Variants in ZSWIM9 observed in about 807,000 individuals in gnomAD.
The protein encoded by ZSWIM9 is uncharacterized protein ZSWIM9.
A neutral mutation model predicts 25.0 loss-of-function variants in ZSWIM9; 11 were observed. The observed-to-expected ratio is 0.44, with a 90% CI of 0.28 to 0.73. The LOEUF (loss-of-function observed/expected upper bound fraction) is 0.73, where lower values mean the gene tolerates loss of function less well. ZSWIM9 is among the 30% of genes least tolerant of loss of function. ZSWIM9 has a pLI of 0.16. For synonymous variants in ZSWIM9, 562 were observed against 582.1 expected (o/e 0.97, Z 0.50); for missense variants, 1,070 against 1,296.5 (o/e 0.83, Z 2.68).
intron 2 of ZSWIM9, 134 bp downstream of exon 2, chr19:48,172,211 C>A: frequency 1.3e-6 from 1 of 799,094 alleles, no homozygotes; most frequent in Non-Finnish European, 1.9e-6. Context: ...CCAAATACAC[C>A]TTGCAGAGAG....
chr19:48,170,682 T>C lies in ZSWIM9; in HGVS notation c.-42T>C, dbSNP rs2036774682. On this transcript the variant is annotated 5_prime_UTR_variant, in exon 1 of 4. Coordinates refer to ENST00000614654, the MANE Select transcript of ZSWIM9 (RefSeq NM_199341.4). Reference sequence around the variant, plus strand: ...CGGGCCAGGCCTGGGCGCGGGGCATTGTGGGAGGTGGACGCCGCTCCGGGG... The same window carrying C: ...CGGGCCAGGCCTGGGCGCGGGGCATCGTGGGAGGTGGACGCCGCTCCGGGG... The C allele has an allele frequency of 4.8e-6, 1 of 208,680 alleles. No homozygotes were observed. Among genetic ancestry groups the C allele is most frequent in the African/African-American group, 2.8e-5 (1 of 36,028 alleles). 12.9% of individuals were successfully genotyped at this position (208,680 alleles called of 1,614,324 possible).
chr19:48,178,173 T>C (rs890633588), intron 2 of ZSWIM9, among the ~76,000 whole-genome samples: 8 of 152,306 alleles, frequency 5.3e-5, no homozygotes, highest in African/African-American at 1.9e-4. Flanking sequence ...GCTGGGATTA[T>C]AGGCGTGAGC....
In ZSWIM9 at chr19:48,195,578, G is replaced by A. The variant is rs2037151140; in HGVS notation, c.1514G>A (p.Trp505Ter). 2.8e-6 allele frequency: 4 copies of A among 1,415,334 alleles called. No individual in the cohort carries two copies. Among genetic ancestry groups the A allele is most frequent in the Non-Finnish European group, 3.7e-6 (4 of 1,090,246 alleles). 87.7% of individuals were successfully genotyped at this position (1,415,334 alleles called of 1,614,324 possible). ...GCAAGGGCACTGGAAACCAGAGACTGGGGCGGGGCTCAGTTCGAAGGTGAG... is the reference window on the plus strand; with the variant it reads ...GCAAGGGCACTGGAAACCAGAGACTAGGGCGGGGCTCAGTTCGAAGGTGAG... Reference protein sequence around the residue: ...EWARALETRDWGGAQFEGEKG... With the variant: ...EWARALETRD The change falls in exon 4 of 4, where the codon TGG (tryptophan) becomes TAG (stop). Residue 505 changes from tryptophan to a stop codon, truncating the protein, a stop_gained. Coordinates refer to ENST00000614654, the MANE Select transcript of ZSWIM9 (RefSeq NM_199341.4). LOFTEE classifies it low-confidence loss of function (END_TRUNC). The surrounding 1 kb of genome is among the most constrained non-coding windows in gnomAD (Gnocchi z 5.8).
In ZSWIM9 at chr19:48,183,831, C is replaced by CGG. The variant is rs368105468; in HGVS notation, c.588+1072_588+1073dup. Among the ~76,000 whole-genome samples the CGG allele has an allele frequency of 2.1e-3, 297 of 143,596 alleles. 2 individuals carry two copies. The highest frequency in any genetic ancestry group is 4.0e-3 in the African/African-American group (157 of 39,072). The allele number at this position is 143,596 out of a possible 152,430, so 94.2% of individuals were successfully genotyped here. A position where few individuals can be genotyped will look rare whatever the true frequency, so the allele number is the denominator to read the frequency against. On this transcript the variant is annotated intron_variant, in intron 3 of 3. Transcript: ENST00000614654. The stretch of plus-strand genomic sequence containing the variant: ...TTTTAGTTTTTGTAGAGATGTTTGG[C>CGG]GGGGGGGGGTCTCCCTATGTTGCCC...
chr19:48,179,776 G>T (rs542638015), intron 2 of ZSWIM9, among the ~76,000 whole-genome samples: 2 of 152,334 alleles, frequency 1.3e-5, no homozygotes, highest in East Asian at 1.9e-4. Flanking sequence ...CATCTGTAAG[G>T]TGGGATGATT....
At chr19:48,187,983 G>C (rs754245135) in intron 3 of ZSWIM9, among the ~76,000 whole-genome samples, 23 of 151,712 alleles carry the variant, frequency 1.5e-4, no homozygotes, top group Non-Finnish European at 2.8e-4. Flanking sequence ...TAGATAGATA[G>C]ATAGACAGAC....
intron 3 of ZSWIM9, among the ~76,000 whole-genome samples, chr19:48,183,936 C>T (rs1157296222): frequency 6.1e-5 from 9 of 147,942 alleles, no homozygotes; most frequent in Non-Finnish European, 9.0e-5. Flanking sequence ...TGAGCCACCA[C>T]GCCAGGCCTA....
intron 2 of ZSWIM9, among the ~76,000 whole-genome samples, chr19:48,179,588 A>G (rs1323761430): frequency 6.6e-6 from 1 of 152,228 alleles, no homozygotes; most frequent in East Asian, 1.9e-4. Flanking sequence ...ACACACATAA[A>G]GAGATGTATA....
chr19:48,196,067 TGGA>T lies in ZSWIM9; in HGVS notation c.2005_2007del (p.Glu669del). The T allele has an allele frequency of 1.6e-6, 2 of 1,254,964 alleles. No homozygotes were observed. The highest frequency in any genetic ancestry group is 6.9e-5 in the South Asian group (2 of 28,938). 77.7% of individuals were successfully genotyped at this position (1,254,964 alleles called of 1,614,324 possible). A position where few individuals can be genotyped will look rare whatever the true frequency, so the allele number is the denominator to read the frequency against. On this transcript the variant is annotated inframe_deletion, in exon 4 of 4. Coordinates refer to ENST00000614654, the MANE Select transcript of ZSWIM9 (RefSeq NM_199341.4). ...GTCAGAAACTTGAGGGGGATCCCCTTGGAGAAGTCCCTGGAGTTGGCCCCTGAG... is the reference window on the plus strand; with the variant it reads ...GTCAGAAACTTGAGGGGGATCCCCTTGAAGTCCCTGGAGTTGGCCCCTGAG...
Position 48,194,635 on chromosome 19 carries a change from C to G in ZSWIM9, c.589-18C>G, listed in dbSNP as rs1260663157. 1 of 1,418,448 alleles carries G rather than the reference C, an allele frequency of 7.0e-7. No homozygotes were observed. The highest frequency in any genetic ancestry group is 1.5e-5 in the African/African-American group (1 of 68,010). The allele number at this position is 1,418,448 out of a possible 1,614,324, so 87.9% of individuals were successfully genotyped here. ...CATCCTCTGACCTCTTTCCTTGCCT[C>G]CCTGCCCCCGCCCGCAGGTGAAGCT... On this transcript the variant is annotated intron_variant, in intron 3 of 3. Coordinates refer to ENST00000614654, the MANE Select transcript of ZSWIM9 (RefSeq NM_199341.4). This position sits in a 1 kb window ranked among gnomAD's most constrained non-coding sequence, Gnocchi z 6.0.
chr19:48,183,334 A>C (rs913398849), intron 3 of ZSWIM9, among the ~76,000 whole-genome samples: 1 of 151,914 alleles, frequency 6.6e-6, no homozygotes, highest in African/African-American at 2.4e-5. Context: ...TCACCATGTT[A>C]GCCAGGATGG....
Position 48,195,200 on chromosome 19 carries a change from G to A in ZSWIM9, c.1136G>A (p.Arg379His), listed in dbSNP as rs780255081. The change falls in exon 4 of 4, where the codon CGC becomes CAC. Residue 379 changes from arginine (R) to histidine (H), a missense_variant. By Grantham distance (29) the Arg-to-His change is conservative. Coordinates refer to ENST00000614654, the MANE Select transcript of ZSWIM9 (RefSeq NM_199341.4). This position sits in a 1 kb window ranked among gnomAD's most constrained non-coding sequence, Gnocchi z 5.8. ...GCCGCCTTCGTGGACTACTTCGAGC[G>A]CAACTGGGAGCCCCGCCGCGACATG... ...GPAAFVDYFERNWEPRRDMWV... is the reference protein window; with the variant it reads ...GPAAFVDYFEHNWEPRRDMWV... The A allele has an allele frequency of 1.0e-4, 155 of 1,525,916 alleles. No homozygotes were observed. Among genetic ancestry groups the A allele is most frequent in the Non-Finnish European group, 1.3e-4 (149 of 1,141,244 alleles). 94.5% of individuals were successfully genotyped at this position (1,525,916 alleles called of 1,614,324 possible).
chr19:48,196,036 C>G lies in ZSWIM9; in HGVS notation c.1972C>G (p.Leu658Val), dbSNP rs2123464093. ...GTCAGAAGTAGAGAAGGGGAGGGGG[C>G]TGGAGGTCAGAAACTTGAGGGGGAT... ...PQSEVEKGRG[L>V]EVRNLRGIPL... Residue 658 changes from leucine to valine, a missense_variant, in exon 4 of 4, where the codon CTG (leucine) becomes GTG (valine). Coordinates refer to ENST00000614654, the MANE Select transcript of ZSWIM9 (RefSeq NM_199341.4). The G allele has an allele frequency of 3.2e-6, 4 of 1,261,880 alleles. No individual in the cohort carries two copies. The South Asian group carries it at 1.3e-4, about 41-fold the overall frequency. 78.2% of individuals were successfully genotyped at this position (1,261,880 alleles called of 1,614,324 possible).
At chr19:48,192,441 C>A (rs2037103294) in intron 3 of ZSWIM9, among the ~76,000 whole-genome samples, 1 of 82,512 alleles carries the variant, frequency 1.2e-5, no homozygotes, top group Non-Finnish European at 2.2e-5. Context: ...CAGAGTGAGA[C>A]TCTGTCTCAA....
chr19:48,171,343 G>T (rs541775273), intron 1 of ZSWIM9: 2 of 985,288 alleles, frequency 2.0e-6, no homozygotes, highest in African/African-American at 3.5e-5. Context: ...CCAACTGTTG[G>T]CACATGGAAG....
rs1423288064 is a variant in ZSWIM9 at position 48,182,758 on chromosome 19, C to T, written c.579C>T (p.Pro193=). The T allele has an allele frequency of 3.9e-6, 6 of 1,525,594 alleles. No individual in the cohort carries two copies. Among genetic ancestry groups the T allele is most frequent in the African/African-American group, 2.7e-5 (2 of 72,942 alleles). 94.5% of individuals were successfully genotyped at this position (1,525,594 alleles called of 1,614,324 possible). A position where few individuals can be genotyped will look rare whatever the true frequency, so the allele number is the denominator to read the frequency against. Residue 193 remains proline (P), a synonymous_variant, in exon 3 of 4, where the codon CCC becomes CCT. Coordinates refer to ENST00000614654, the MANE Select transcript of ZSWIM9 (RefSeq NM_199341.4). The surrounding 1 kb of genome is among the most constrained non-coding windows in gnomAD (Gnocchi z 4.6). ...TCGAGGGCCTCTTCCGCACCGACCCCGAGGCCAAGGTGGGGTCTCGAGAGA... is the reference window on the plus strand; with the variant it reads ...TCGAGGGCCTCTTCCGCACCGACCCTGAGGCCAAGGTGGGGTCTCGAGAGA... ...HVLEGLFRTD[P]EAKVKLVFVE... is the part of the protein sequence containing the mutation.
At position 48,182,960 on chromosome 19, in the gene ZSWIM9, C is replaced by T; in HGVS notation, c.588+193C>T. 1 of 593,798 alleles carries T rather than the reference C, an allele frequency of 1.7e-6. No homozygotes were observed. The highest frequency in any genetic ancestry group is 2.0e-5 in the South Asian group (1 of 50,032). 36.8% of individuals were successfully genotyped at this position (593,798 alleles called of 1,614,324 possible). A position where few individuals can be genotyped will look rare whatever the true frequency, so the allele number is the denominator to read the frequency against. On this transcript the variant is annotated intron_variant, in intron 3 of 3. Transcript: ENST00000614654. This position sits in a 1 kb window ranked among gnomAD's most constrained non-coding sequence, Gnocchi z 4.6. ...CAAACCAGACCCACGTGGTCTCTGT[C>T]CGCAGAGAGCTTACCTTCTAGGGTA...
intron 2 of ZSWIM9, among the ~76,000 whole-genome samples, chr19:48,172,346 T>C (rs1453170402): frequency 1.3e-5 from 2 of 150,746 alleles, no homozygotes; most frequent in African/African-American, 2.4e-5. Flanking sequence ...AGATGGAGTC[T>C]CGCTCTGTCG....
chr19:48,186,202 T>A (rs141192937), intron 3 of ZSWIM9, among the ~76,000 whole-genome samples: 27 of 152,126 alleles, frequency 1.8e-4, no homozygotes, highest in African/African-American at 6.0e-4. Context: ...CATGTCTGTA[T>A]GTTTAACTTT....
Sources: gnomAD v4.1 joint callset for allele counts (sites outside exome capture counted in the v4.1 genomes callset) on GRCh38, gnomAD v4.1.1 for gene constraint, Gnocchi (gnomAD v3.1) non-coding constraint, MANE v1.5 for transcripts, NCBI Gene and HGNC (gene_info 2026-07-23, HGNC 2026-07-21) for gene names.